VGLL4: variants seen among roughly 807,000 people sequenced by gnomAD.
VGLL4 encodes the protein transcription cofactor vestigial-like protein 4.
VGLL4 carries 7 observed loss-of-function variants against 21.0 expected under a neutral mutation model. The ratio of observed to expected loss-of-function variants is 0.33; its 90% confidence interval spans 0.19 to 0.63. The LOEUF (loss-of-function observed/expected upper bound fraction) is 0.63. Among genes scored for constraint, VGLL4 ranks in the 20% least tolerant of loss-of-function variants. The pLI is 0.78. For synonymous variants in VGLL4, 222 were observed against 173.2 expected, an observed-to-expected ratio of 1.28 and a Z score of -2.21; for missense variants, 394 against 425.7, an observed-to-expected ratio of 0.93 and a Z score of 0.66.
chr3:11,646,931 T>C (rs1332110686), upstream of VGLL4, among the ~76,000 whole-genome samples: 3 of 152,214 alleles, frequency 2.0e-5, no homozygotes. Flanking sequence ...AGAATGAACA[T>C]TTAAAACTTT....
In VGLL4 at chr3:11,705,450, T is replaced by C. The variant is rs575621288; in HGVS notation, c.-13-2403A>G. 2.6e-5 allele frequency among the ~76,000 whole-genome samples: 4 copies of C among 152,314 alleles called. No individual in the cohort carries two copies. The South Asian group carries it at 8.3e-4, about 32-fold the overall frequency. ...CCTCCTAACACACGCACATGTCTTC[T>C]TTTTCAGAGAGGATGGGTAAAAGCA... On this transcript the variant is annotated intron_variant, in intron 1 of 5. Transcript: ENST00000273038.
At chr3:11,657,273 G>A (rs1040350639) in intron 2 of VGLL4, among the ~76,000 whole-genome samples, 1 of 151,968 alleles carries the variant, frequency 6.6e-6, no homozygotes, top group Non-Finnish European at 1.5e-5. Flanking sequence ...ACCACAGGCC[G>A]CCATTCACTG....
chr3:11,561,417 G>A (rs1020287321), intron 3 of VGLL4, among the ~76,000 whole-genome samples: 6 of 152,186 alleles, frequency 3.9e-5, no homozygotes, highest in Non-Finnish European at 2.9e-5. Context: ...GAGCTGGGGC[G>A]AATTGCCTTA....
chr3:11,639,804 A>T (rs928529408), intron 1 of VGLL4, among the ~76,000 whole-genome samples: 1 of 152,000 alleles, frequency 6.6e-6, no homozygotes, highest in Non-Finnish European at 1.5e-5. Context: ...TGAACCCGGG[A>T]GGCAGAGGTT....
chr3:11,591,624 C>T (rs1179050301), intron 2 of VGLL4, among the ~76,000 whole-genome samples: 2 of 152,190 alleles, frequency 1.3e-5, no homozygotes, highest in African/African-American at 2.4e-5. Flanking sequence ...TGAGAAAATG[C>T]CTCTAGCCTG....
chr3:11,597,662 T>C (rs1277799768), intron 2 of VGLL4, among the ~76,000 whole-genome samples: 1 of 152,056 alleles, frequency 6.6e-6, no homozygotes, highest in Non-Finnish European at 1.5e-5. Context: ...AAGTTCCTAT[T>C]TGTTAAATCT....
intron 1 of VGLL4, among the ~76,000 whole-genome samples, chr3:11,709,170 G>A (rs1325720180): frequency 2.0e-5 from 3 of 152,092 alleles, no homozygotes; most frequent in Non-Finnish European, 4.4e-5. Context: ...AGGTGCAGTG[G>A]CTCATGCCTG....
chr3:11,718,069 G>T lies in VGLL4; in HGVS notation c.-14+2325C>A, dbSNP rs570746035. On this transcript the variant is annotated intron_variant, in intron 1 of 5. Coordinates refer to the VGLL4 transcript ENST00000273038. ...AGAATTATCTTCTTAATTGTATTGTGTTTTGGTCAACATAAAAATTAGTTT... is the reference window on the plus strand; with the variant it reads ...AGAATTATCTTCTTAATTGTATTGTTTTTTGGTCAACATAAAAATTAGTTT... Among the ~76,000 whole-genome samples, 151 of 152,294 alleles carry T rather than the reference G, an allele frequency of 9.9e-4. 2 individuals carry two copies. Among genetic ancestry groups the T allele is most frequent in the African/African-American group, 3.5e-3 (147 of 41,564 alleles).
At chr3:11,623,507 C>T (rs1032684215) in intron 1 of VGLL4, among the ~76,000 whole-genome samples, 1 of 152,102 alleles carries the variant, frequency 6.6e-6, no homozygotes, top group Non-Finnish European at 1.5e-5. Context: ...TCGAAGTGGA[C>T]CCTCGAAGTT....
At chr3:11,562,522 G>A (rs528178408) in intron 3 of VGLL4, among the ~76,000 whole-genome samples, 1 of 152,338 alleles carries the variant, frequency 6.6e-6, no homozygotes, top group East Asian at 1.9e-4. Context: ...GCTCTGAGCT[G>A]CAGGATGACA....
At chr3:11,659,827 T>A (rs570637310) in intron 2 of VGLL4, among the ~76,000 whole-genome samples, 1 of 152,298 alleles carries the variant, frequency 6.6e-6, no homozygotes, top group East Asian at 1.9e-4. Flanking sequence ...TTTTAACTGA[T>A]TACTAAGAAC....
At chr3:11,661,728 T>C (rs2076042435) in intron 2 of VGLL4, among the ~76,000 whole-genome samples, 1 of 152,126 alleles carries the variant, frequency 6.6e-6, no homozygotes, top group South Asian at 2.1e-4. Context: ...CGCCTCGGCT[T>C]CCCAAAGTGC....
intron 2 of VGLL4, among the ~76,000 whole-genome samples, chr3:11,667,724 C>T (rs1299075233): frequency 6.6e-6 from 1 of 152,094 alleles, no homozygotes. Flanking sequence ...CTTTAAAACT[C>T]CCCCAGTATC....
chr3:11,562,549 G>A (rs1407058502), intron 3 of VGLL4, among the ~76,000 whole-genome samples: 1 of 152,346 alleles, frequency 6.6e-6, no homozygotes, highest in East Asian at 1.9e-4. Flanking sequence ...AGACTTCCAG[G>A]AAGAGACCTC....
At chr3:11,709,230 G>A (rs1437453752) in intron 1 of VGLL4, among the ~76,000 whole-genome samples, 11 of 151,728 alleles carry the variant, frequency 7.2e-5, no homozygotes, top group African/African-American at 2.7e-4. Flanking sequence ...AAGGTCAGGA[G>A]TTCAAGACGA....
At chr3:11,577,255 C>G (rs1476327170) in intron 2 of VGLL4, among the ~76,000 whole-genome samples, 1 of 152,210 alleles carries the variant, frequency 6.6e-6, no homozygotes, top group South Asian at 2.1e-4. Flanking sequence ...TGAAGGCTCA[C>G]TCTTAGTTTT....
intron 2 of VGLL4, among the ~76,000 whole-genome samples, chr3:11,656,056 G>A (rs2075952481): frequency 6.6e-6 from 1 of 152,216 alleles, no homozygotes; most frequent in African/African-American, 2.4e-5. Flanking sequence ...TCAGGAGGGA[G>A]CGCAGGTGCA....
chr3:11,640,296 T>TA (rs1473892059), intron 1 of VGLL4, among the ~76,000 whole-genome samples: 1 of 152,060 alleles, frequency 6.6e-6, no homozygotes, highest in Non-Finnish European at 1.5e-5. Context: ...TCACGAGGCT[T>TA]TCGCCAGTCT....
In VGLL4 at chr3:11,558,331, G is replaced by A. The variant is rs2072626035; in HGVS notation, c.*225C>T. Reference sequence around the variant, plus strand: ...GGAAGTAAGGATGCTACATTAGACAGATGTTCCACGCGTAGTTCCTGCTAT... The same window carrying A: ...GGAAGTAAGGATGCTACATTAGACAAATGTTCCACGCGTAGTTCCTGCTAT... On this transcript the variant is annotated 3_prime_UTR_variant, in exon 5 of 5. Transcript: ENST00000430365. 4.3e-6 allele frequency: 3 copies of A among 690,798 alleles called. No individual in the cohort carries two copies. The East Asian group carries it at 8.2e-5, about 19-fold the overall frequency. The allele number at this position is 690,798 out of a possible 1,614,324, so 42.8% of individuals were successfully genotyped here.
Sources: allele counts gnomAD v4.1 joint callset (sites outside exome capture counted in the v4.1 genomes callset), GRCh38; gene constraint gnomAD v4.1.1; transcripts MANE v1.5; gene names NCBI Gene and HGNC (gene_info 2026-07-23, HGNC 2026-07-21).